ABI3BP: variants seen among roughly 807,000 people sequenced by gnomAD.
ABI3BP encodes target of Nesh-SH3.
Under a neutral mutation model 268.6 loss-of-function variants are expected in ABI3BP, and 216 were observed. The ratio of observed to expected loss-of-function variants is 0.80; its 90% confidence interval spans 0.72 to 0.90. The LOEUF is 0.90. Ranked by LOEUF, ABI3BP falls within the 40% of genes least tolerant of loss-of-function variation. The probability of loss-of-function intolerance (pLI) is 0.00; values close to 1 mark genes in which losing one functional copy is unlikely to be tolerated. For missense variants in ABI3BP, 2,090 were observed against 2,182.4 expected, an observed-to-expected ratio of 0.96 and a Z score of 0.84; for synonymous variants, 730 against 730.0, an observed-to-expected ratio of 1.00 and a Z score of 0.00.
At position 100,824,884 on chromosome 3, in the gene ABI3BP, C is replaced by A. The variant is rs745468121; in HGVS notation, c.2720G>T (p.Ser907Ile). Residue 907 changes from serine to isoleucine, a missense_variant, in exon 36 of 68, where the codon AGC (serine) becomes ATC (isoleucine). By Grantham distance (142) the Ser-to-Ile change is moderately radical. Transcript: ENST00000471714. Reference protein sequence around the residue: ...PPRPRPKTTPSPQAPETKPVP... With the variant: ...PPRPRPKTTPIPQAPETKPVP... The stretch of plus-strand genomic sequence containing the variant: ...AGGTTTGGTCTCAGGTGCCTGAGGG[C>A]TCGGTGTAGTTTTAGGTCTGGGACG... The A allele has an allele frequency of 4.6e-6, 7 of 1,536,040 alleles. No homozygotes were observed. The highest frequency in any genetic ancestry group is 6.1e-6 in the Non-Finnish European group (7 of 1,146,672).
chr3:100,749,501 A>G lies in ABI3BP; in HGVS notation c.*994T>C, dbSNP rs1358084314. 5.0e-6 allele frequency: 2 copies of G among 396,078 alleles called. No individual in the cohort carries two copies. The highest frequency in any genetic ancestry group is 8.9e-6 in the Non-Finnish European group (2 of 224,688). The allele number at this position is 396,078 out of a possible 1,614,324, so 24.5% of individuals were successfully genotyped here. On this transcript the variant is annotated 3_prime_UTR_variant, in exon 68 of 68. Transcript: ENST00000471714. ...ATTCCCATTCCCCGCCTAAAGGACA[A>G]TACCTTTTTAATAGAAATAAATGAG...
chr3:100,844,458 C>T (rs1361251749), intron 20 of ABI3BP: 35 of 985,066 alleles, frequency 3.6e-5, no homozygotes, highest in Non-Finnish European at 4.1e-5. Context: ...AACCACCAAG[C>T]AAAGCCAAAG....
Position 100,809,213 on chromosome 3 carries a change from T to C in ABI3BP, c.3608-978A>G, listed in dbSNP as rs373963465. On this transcript the variant is annotated intron_variant, in intron 49 of 67. Coordinates refer to ENST00000471714, the MANE Select transcript of ABI3BP (RefSeq NM_001375547.2). ...CCTGGGGATTTAGAGCTCCCTTTGC[T>C]AATCACTGGGTCTAAGGTCTCAGTT... Among the ~76,000 whole-genome samples, 26 of 152,186 alleles carry C rather than the reference T, an allele frequency of 1.7e-4. No individual in the cohort carries two copies. In the East Asian group the frequency reaches 2.3e-3, roughly 14 times the overall value.
rs1446850877 is a variant in ABI3BP at position 100,840,843 on chromosome 3, C to T, written c.1781G>A (p.Gly594Glu). 1.3e-6 allele frequency: 2 copies of T among 1,535,126 alleles called. No homozygotes were observed. The highest frequency in any genetic ancestry group is 3.9e-5 in the Admixed American group (2 of 50,932). Residue 594 changes from glycine to glutamate, a missense_variant, in exon 22 of 68, where the codon GGA becomes GAA. Physicochemically the swap from Gly to Glu is moderately conservative, Grantham distance 98. Coordinates refer to ENST00000471714, the MANE Select transcript of ABI3BP (RefSeq NM_001375547.2). ...SQSTIGPETPGTKPSTTLAPR... is the reference protein window; with the variant it reads ...SQSTIGPETPETKPSTTLAPR... ...ACCTAATGTTGTTGAAGGTTTGGTTCCTGGTGTTTCAGGTCCTAAGACAAT... is the reference window on the plus strand; with the variant it reads ...ACCTAATGTTGTTGAAGGTTTGGTTTCTGGTGTTTCAGGTCCTAAGACAAT...
At chr3:100,927,678 C>G (rs780593596) in intron 1 of ABI3BP, among the ~76,000 whole-genome samples, 1 of 152,134 alleles carries the variant, frequency 6.6e-6, no homozygotes, top group Non-Finnish European at 1.5e-5. Context: ...CTTGTGCAAA[C>G]TCTATCACTA....
intron 60 of ABI3BP, 80 bp from the exon 61 acceptor site, chr3:100,774,753 A>T (rs1024986559): frequency 2.8e-6 from 3 of 1,084,412 alleles, no homozygotes; most frequent in Admixed American, 5.9e-5. Flanking sequence ...TAGACTAAAG[A>T]TATTCAATAT....
chr3:100,942,878 G>T (rs57036910), intron 1 of ABI3BP, among the ~76,000 whole-genome samples: 2,168 of 152,082 alleles, frequency 0.014, 48 homozygotes, highest in African/African-American at 0.049. Context: ...AAATTAATGG[G>T]CCCAATGTCA....
intron 9 of ABI3BP, among the ~76,000 whole-genome samples, chr3:100,871,343 G>C (rs959763052): frequency 6.6e-6 from 1 of 152,116 alleles, no homozygotes; most frequent in African/African-American, 2.4e-5. Flanking sequence ...AAAGAAACAT[G>C]GTCTACTAAG....
At chr3:100,964,195 G>A (rs968342976) in intron 1 of ABI3BP, among the ~76,000 whole-genome samples, 2 of 152,036 alleles carry the variant, frequency 1.3e-5, no homozygotes, top group African/African-American at 2.4e-5. Flanking sequence ...TCAAGATGGC[G>A]GCTCCATCTT....
At chr3:100,919,749 C>T (rs185773604) in intron 2 of ABI3BP, among the ~76,000 whole-genome samples, 60 of 152,270 alleles carry the variant, frequency 3.9e-4, no homozygotes, top group Admixed American at 3.1e-3. Context: ...TCAAAATTCT[C>T]GCTATCTTCT....
intron 8 of ABI3BP, among the ~76,000 whole-genome samples, chr3:100,875,271 G>T (rs969361933): frequency 1.3e-5 from 2 of 152,194 alleles, no homozygotes; most frequent in Non-Finnish European, 1.5e-5. Flanking sequence ...AGGTAGGACA[G>T]GTGCCATCAT....
rs1292450186 is a variant in ABI3BP at position 100,792,618 on chromosome 3, T to G, written c.4024+73A>C. On this transcript the variant is annotated intron_variant, in intron 55 of 67. Coordinates refer to ENST00000471714, the MANE Select transcript of ABI3BP (RefSeq NM_001375547.2). ...TCCACTGTGTTGAGAAATGACATTC[T>G]GAAAGAAAATTTCTTTCCTGATTAA... is the stretch of plus-strand genomic sequence containing the variant. 6.8e-6 allele frequency: 10 copies of G among 1,465,406 alleles called. No homozygotes were observed. In the East Asian group the frequency reaches 2.1e-4, roughly 30 times the overall value. The allele number at this position is 1,465,406 out of a possible 1,614,324, so 90.8% of individuals were successfully genotyped here. A position where few individuals can be genotyped will look rare whatever the true frequency, so the allele number is the denominator to read the frequency against.
chr3:100,901,549 A>G (rs539585736), intron 3 of ABI3BP, among the ~76,000 whole-genome samples: 11 of 152,220 alleles, frequency 7.2e-5, no homozygotes, highest in African/African-American at 2.6e-4. Context: ...GTGGATCATG[A>G]GGTCAGGAGG....
Position 100,765,894 on chromosome 3 carries a change from A to G in ABI3BP, c.4797T>C (p.Ile1599=). 6.2e-7 allele frequency: 1 copy of G among 1,613,040 alleles called. No individual in the cohort carries two copies. Among genetic ancestry groups the G allele is most frequent in the Non-Finnish European group, 8.5e-7 (1 of 1,179,450 alleles). The change falls in exon 63 of 68, where the codon ATT becomes ATC. Residue 1599 remains isoleucine (I), a synonymous_variant. Coordinates refer to ENST00000471714, the MANE Select transcript of ABI3BP (RefSeq NM_001375547.2). ...NGSFSGKNKS[I]QMTNQTFSTV... is the part of the protein sequence containing the mutation. ...TGGAAAATGTCTGATTTGTCATTTG[A>G]ATGGACTTGTTCTTCCCACTGAATG... is the stretch of plus-strand genomic sequence containing the variant.
chr3:100,875,851 A>T (rs2099156537), intron 7 of ABI3BP, among the ~76,000 whole-genome samples: 2 of 152,138 alleles, frequency 1.3e-5, no homozygotes, highest in African/African-American at 4.8e-5. Flanking sequence ...CTATTCCCTG[A>T]AGCTTTCCTT....
At chr3:100,818,426 A>T in intron 41 of ABI3BP, 99 bp downstream of exon 41, 1 of 1,026,004 alleles carries the variant, frequency 9.7e-7, no homozygotes, top group Non-Finnish European at 1.4e-6. Flanking sequence ...AATGATGACA[A>T]AGAATGACAG....
intron 1 of ABI3BP, among the ~76,000 whole-genome samples, chr3:100,985,089 C>T (rs1272870378): frequency 6.6e-6 from 1 of 150,972 alleles, no homozygotes; most frequent in Non-Finnish European, 1.5e-5. Context: ...ATTAGACCTA[C>T]AGTAACTTCC....
At chr3:100,854,739 G>A (rs778637150) in intron 14 of ABI3BP, among the ~76,000 whole-genome samples, 5 of 152,030 alleles carry the variant, frequency 3.3e-5, no homozygotes, top group Non-Finnish European at 7.4e-5. Context: ...AGGTTAAATC[G>A]AATGCAACAA....
intron 11 of ABI3BP, 138 bp downstream of exon 11, chr3:100,864,695 A>G: frequency 1.6e-6 from 1 of 644,394 alleles, no homozygotes; most frequent in Non-Finnish European, 2.7e-6. Flanking sequence ...AAGGTTAACC[A>G]CTGCCAGGAA....
Sources: gnomAD v4.1 joint callset for allele counts (sites outside exome capture counted in the v4.1 genomes callset) on GRCh38, gnomAD v4.1.1 for gene constraint, MANE v1.5 for transcripts, NCBI Gene and HGNC (gene_info 2026-07-23, HGNC 2026-07-21) for gene names.